Variants in TYMP observed in about 807,000 individuals in gnomAD.
TYMP encodes the protein thymidine phosphorylase, also known as gliostatin.
A neutral mutation model predicts 42.3 loss-of-function variants in TYMP; 46 were observed. The observed-to-expected ratio is 1.09, with a 90% CI of 0.86 to 1.39. The LOEUF (loss-of-function observed/expected upper bound fraction) is 1.39, where lower values mean the gene tolerates loss of function less well. Ranked by LOEUF, TYMP falls within the 40% of genes most tolerant of loss-of-function variation. The probability of loss-of-function intolerance (pLI) is 0.00; values close to 1 mark genes in which losing one functional copy is unlikely to be tolerated. For missense variants in TYMP, 837 were observed against 677.6 expected (o/e 1.24, Z -2.61); for synonymous variants, 363 against 308.0 (o/e 1.18, Z -1.87).
chr22:50,529,506 G>A lies in TYMP; in HGVS notation c.204C>T (p.Gly68=), dbSNP rs34375653. The A allele has an allele frequency of 3.1e-3, 4,933 of 1,612,760 alleles. 138 individuals carry two copies. In the African/African-American group the frequency reaches 0.059, roughly 19 times the overall value. Residue 68 remains glycine, a synonymous_variant, in exon 2 of 10, where the codon GGC becomes GGT. Coordinates refer to ENST00000252029, the MANE Select transcript of TYMP (RefSeq NM_001953.5). ...VAAVVNGSAQ[G]AQIGAMLMAI... ...ACCCTCCCCACGCACCGATCTGTGCGCCCTGCGCGCTCCCATTCACCACAG... is the reference window on the plus strand; with the variant it reads ...ACCCTCCCCACGCACCGATCTGTGCACCCTGCGCGCTCCCATTCACCACAG...
chr22:50,526,124 G>T lies in TYMP; in HGVS notation c.1177C>A (p.Arg393=). 6.7e-7 allele frequency: 1 copy of T among 1,487,702 alleles called. No individual in the cohort carries two copies. The highest frequency in any genetic ancestry group is 8.9e-7 in the Non-Finnish European group (1 of 1,126,986). The allele number at this position is 1,487,702 out of a possible 1,614,324, so 92.2% of individuals were successfully genotyped here. ...APADGTVELV[R]ALPLALVLHE... is the part of the protein sequence containing the mutation. ...AGCACCAGCGCCAGCGGCAGCGCCC[G>T]GACCAGCTCCACGGTGCCTGCGGGG... Residue 393 remains arginine (R), a synonymous_variant, in exon 9 of 10, where the codon CGG becomes AGG. Transcript: ENST00000252029.
intron 2 of TYMP, 54 bp downstream of exon 2, chr22:50,529,442 C>T (rs1403559996): frequency 1.2e-6 from 2 of 1,608,852 alleles, no homozygotes; most frequent in East Asian, 2.2e-5. Flanking sequence ...GACCCAAAGT[C>T]TCTCGGGCTG....
Position 50,527,709 on chromosome 22 carries a change from C to T in TYMP, c.525G>A (p.Val175=). 1 of 1,613,458 alleles carries T rather than the reference C, an allele frequency of 6.2e-7. No individual in the cohort carries two copies. The highest frequency in any genetic ancestry group is 8.5e-7 in the Non-Finnish European group (1 of 1,179,964). The change falls in exon 5 of 10, where the codon GTG becomes GTA. Residue 175 remains valine (V), a synonymous_variant. Transcript: ENST00000252029. ...NVIQSPEQMQ[V]LLDQAGCCIV... is the part of the protein sequence containing the mutation. ...TACAGCAGCCCGCCTGGTCCAGCAG[C>T]ACTTGCATCTGGTCAGACATCCCCT...
At position 50,529,836 on chromosome 22, in the gene TYMP, T is replaced by G. The variant is rs115930767; in HGVS notation, c.-11+68A>C. ...CTCCGGTGTCCGCCCCTCGGTCCCG[T>G]GTCTGTGTCGCCCTCGTCCGTGTCT... is the stretch of plus-strand genomic sequence containing the variant. On this transcript the variant is annotated intron_variant, in intron 1 of 9. Transcript: ENST00000252029. 8,224 of 882,600 alleles carry G rather than the reference T, an allele frequency of 9.3e-3. 461 individuals carry two copies. In the African/African-American group the frequency reaches 0.12, roughly 13 times the overall value. 54.7% of individuals were successfully genotyped at this position (882,600 alleles called of 1,614,324 possible).
At chr22:50,527,101 A>AG in intron 6 of TYMP, 64 bp downstream of exon 6, 1 of 1,303,394 alleles carries the variant, frequency 7.7e-7, no homozygotes, top group Non-Finnish European at 1.1e-6. Flanking sequence ...TGGGGACGGG[A>AG]GGGGTGAAGG....
Position 50,526,753 on chromosome 22 carries a change from C to T in TYMP, c.766-15G>A. On this transcript the variant is annotated splice_polypyrimidine_tract_variant and intron_variant, in intron 6 of 9. Coordinates refer to ENST00000252029, the MANE Select transcript of TYMP (RefSeq NM_001953.5). ...CCCACGCCAACCTGCGGAGAGGAGG[C>T]TCAGCGTGGACCCCCCATGGCGGGG... The T allele has an allele frequency of 4.6e-6, 7 of 1,533,884 alleles. No homozygotes were observed. The highest frequency in any genetic ancestry group is 1.4e-5 in the African/African-American group (1 of 73,108).
chr22:50,526,204 G>A (rs773532928), intron 8 of TYMP, 42 bp downstream of exon 8: 2 of 1,490,714 alleles, frequency 1.3e-6, no homozygotes, highest in Non-Finnish European at 8.9e-7. Flanking sequence ...GAAGGGAAGG[G>A]GATGGCGGAG....
Position 50,529,552 on chromosome 22 carries a change from T to G in TYMP, c.158A>C (p.Asp53Ala). Residue 53 changes from aspartate (D) to alanine (A), a missense_variant, in exon 2 of 10, where the codon GAC becomes GCC. Transcript: ENST00000252029. ...CACAGCGGCCACGAAGCCCCTGATG[T>G]CCGCTTCGCTCAGGCGGCCTCCGTC... ...KRDGGRLSEA[D>A]IRGFVAAVVN... The G allele has an allele frequency of 6.2e-7, 1 of 1,613,144 alleles. No homozygotes were observed. Among genetic ancestry groups the G allele is most frequent in the Non-Finnish European group, 8.5e-7 (1 of 1,179,938 alleles).
chr22:50,528,978 CG>C, intron 3 of TYMP, 157 bp downstream of exon 3: 1 of 800,616 alleles, frequency 1.2e-6, no homozygotes, highest in Non-Finnish European at 2.1e-6. Flanking sequence ...TGCTGGGGAA[CG>C]GGGTGGGGAG....
Position 50,526,093 on chromosome 22 carries a change from T to C in TYMP, c.1208A>G (p.Glu403Gly). Reference protein sequence around the residue: ...RALPLALVLHELGAGRSRAGE... With the variant: ...RALPLALVLHGLGAGRSRAGE... ...AGCGCGGCTGCGCCCGGCCCCGAGC[T>C]CGTGCAGCACCAGCGCCAGCGGCAG... The change falls in exon 9 of 10, where the codon GAG (glutamate) becomes GGG (glycine). Residue 403 changes from glutamate to glycine, a missense_variant. Glu to Gly is a moderately conservative substitution (Grantham distance 98, BLOSUM62 -2). Coordinates refer to ENST00000252029, the MANE Select transcript of TYMP (RefSeq NM_001953.5). The C allele has an allele frequency of 1.3e-6, 2 of 1,487,100 alleles. No homozygotes were observed. The highest frequency in any genetic ancestry group is 1.8e-6 in the Non-Finnish European group (2 of 1,126,668). The allele number at this position is 1,487,100 out of a possible 1,614,324, so 92.1% of individuals were successfully genotyped here. A position where few individuals can be genotyped will look rare whatever the true frequency, so the allele number is the denominator to read the frequency against.
At position 50,525,985 on chromosome 22, in the gene TYMP, CG is replaced by C; in HGVS notation, c.1300+15del. On this transcript the variant is annotated intron_variant, in intron 9 of 9. Transcript: ENST00000252029. ...GGGCGGGGGTGCGGGGCCAGCAGGG[CG>C]GGGGCGGCGCTCACCACGGCGCAGC... is the stretch of plus-strand genomic sequence containing the variant. 2.1e-6 allele frequency: 3 copies of C among 1,396,676 alleles called. No individual in the cohort carries two copies. The highest frequency in any genetic ancestry group is 3.3e-5 in the Admixed American group (1 of 30,402). 86.5% of individuals were successfully genotyped at this position (1,396,676 alleles called of 1,614,324 possible).
At chr22:50,527,322 C>G (rs1198935382) in intron 5 of TYMP, 39 bp from the exon 6 acceptor site, 1 of 1,541,314 alleles carries the variant, frequency 6.5e-7, no homozygotes, top group Non-Finnish European at 9.0e-7. Context: ...CAATGGAGAA[C>G]CTGGAGCTTC....
At chr22:50,525,964 G>T (rs1252213474) in intron 9 of TYMP, 37 bp downstream of exon 9, 9 of 1,390,326 alleles carry the variant, frequency 6.5e-6, no homozygotes, top group Middle Eastern at 2.6e-4. Context: ...GGAGCTGGGC[G>T]GGGGTGCGGG....
Position 50,529,286 on chromosome 22 carries a change from C to A in TYMP, c.267G>T (p.Ser89=), listed in dbSNP as rs148978792. The change falls in exon 3 of 10, where the codon TCG becomes TCT. Residue 89 remains serine (S), a synonymous_variant. Transcript: ENST00000252029. ...ACTGAGCCAGGGCCTGGGTCAGCAC[C>A]GAGGTCTCCTCCAGATCCATGCCCC... The part of the protein sequence containing the change: ...RLRGMDLEET[S]VLTQALAQSG... 1 of 1,613,370 alleles carries A rather than the reference C, an allele frequency of 6.2e-7. No individual in the cohort carries two copies. Among genetic ancestry groups the A allele is most frequent in the Non-Finnish European group, 8.5e-7 (1 of 1,180,010 alleles).
chr22:50,526,481 G>A lies in TYMP; in HGVS notation c.929-5C>T, dbSNP rs953334261. ...TGAGCCAGAGCAGGGCGCCCCCTGC[G>A]GGCGGGGACGGGTCTTAGGCGCGGC... On this transcript the variant is annotated splice_region_variant and splice_polypyrimidine_tract_variant and intron_variant, in intron 7 of 9. Coordinates refer to ENST00000252029, the MANE Select transcript of TYMP (RefSeq NM_001953.5). 7 of 1,447,008 alleles carry A rather than the reference G, an allele frequency of 4.8e-6. No homozygotes were observed. The highest frequency in any genetic ancestry group is 2.9e-5 in the African/African-American group (2 of 68,754). 89.6% of individuals were successfully genotyped at this position (1,447,008 alleles called of 1,614,324 possible).
Position 50,526,257 on chromosome 22 carries a change from G to A in TYMP, c.1148C>T (p.Ala383Val), listed in dbSNP as rs573319831. The change falls in exon 8 of 10, where the codon GCG becomes GTG. Residue 383 changes from alanine (A) to valine (V), a missense_variant. Ala to Val is a moderately conservative substitution (Grantham distance 64, BLOSUM62 0). Transcript: ENST00000252029. ...CCCCCGACGCTCACCATCTGCGGGC[G>A]CCAGCAGCTCCTCCTGCTCCCGGGC... is the stretch of plus-strand genomic sequence containing the variant. ...PRAREQEELLAPADGTVELVR... is the reference protein window; with the variant it reads ...PRAREQEELLVPADGTVELVR... 5.2e-6 allele frequency: 8 copies of A among 1,534,440 alleles called. No homozygotes were observed. The Admixed American group carries it at 7.7e-5, about 15-fold the overall frequency.
At chr22:50,527,471 T>G in intron 5 of TYMP, 117 bp downstream of exon 5, 2 of 1,519,360 alleles carry the variant, frequency 1.3e-6, no homozygotes, top group Non-Finnish European at 1.8e-6. Context: ...CATCTTGTGA[T>G]GGGGGTAGGG....
In TYMP at chr22:50,526,387, G is replaced by C. The variant is rs2069377884; in HGVS notation, c.1018C>G (p.Leu340Val). Residue 340 changes from leucine to valine, a missense_variant, in exon 8 of 10, where the codon CTT becomes GTT. Transcript: ENST00000252029. ...GCCAGCATCCGCTCGAAGCGGCCAA[G>C]GGCCGAGCCGTCGTCCAGCGCCGCG... Reference protein sequence around the residue: ...VAAALDDGSALGRFERMLAAQ... With the variant: ...VAAALDDGSAVGRFERMLAAQ... The C allele has an allele frequency of 1.2e-5, 18 of 1,525,372 alleles. No homozygotes were observed. Among genetic ancestry groups the C allele is most frequent in the Non-Finnish European group, 1.6e-5 (18 of 1,147,024 alleles). 94.5% of individuals were successfully genotyped at this position (1,525,372 alleles called of 1,614,324 possible). A position where few individuals can be genotyped will look rare whatever the true frequency, so the allele number is the denominator to read the frequency against.
chr22:50,528,308 C>T (rs1331860033), intron 4 of TYMP: 3 of 641,552 alleles, frequency 4.7e-6, no homozygotes, highest in South Asian at 3.4e-5. Flanking sequence ...CCCCGCCAGC[C>T]ATCTGTGATT....
Sources: gnomAD v4.1 joint callset for allele counts on GRCh38, gnomAD v4.1.1 for gene constraint, MANE v1.5 for transcripts, NCBI Gene and HGNC (gene_info 2026-07-23, HGNC 2026-07-21) for gene names.